The following USP40 variants were observed in gnomAD, a reference collection of about 807,000 sequenced individuals.
USP40 encodes ubiquitin carboxyl-terminal hydrolase 40.
In USP40, 143 loss-of-function variants were observed where a neutral mutation model predicts 166.2. That is an observed-to-expected ratio of 0.86 (90% CI 0.75 to 0.99). USP40 has a LOEUF of 0.99. Ranked by LOEUF, USP40 falls within the 50% of genes least tolerant of loss-of-function variation. The pLI, the probability that USP40 is intolerant of heterozygous loss-of-function variation, is 0.00. For synonymous variants in USP40, 498 were observed against 524.0 expected (o/e 0.95, Z 0.68); for missense variants, 1,444 against 1,479.7 (o/e 0.98, Z 0.40).
intron 18 of USP40, among the ~76,000 whole-genome samples, chr2:233,518,341 C>T (rs1252074212): frequency 2.1e-5 from 3 of 142,020 alleles, no homozygotes; most frequent in African/African-American, 5.3e-5. Flanking sequence ...CCGAGGTGGG[C>T]AGATTACCTG....
chr2:233,507,908 T>C (rs1180095073), intron 21 of USP40, among the ~76,000 whole-genome samples: 2 of 152,132 alleles, frequency 1.3e-5, no homozygotes, highest in Non-Finnish European at 2.9e-5. Flanking sequence ...ATTTAATCAT[T>C]ATACAACACA....
chr2:233,483,363 T>G (rs62192761), intron 30 of USP40, among the ~76,000 whole-genome samples: 26,105 of 152,044 alleles, frequency 0.17, 2,726 homozygotes, highest in Admixed American at 0.27. Flanking sequence ...TAATGGCACG[T>G]GCCTGTGGTC....
rs920097492 is a variant in USP40, at chr2:233,551,056, G to C, written c.837+320C>G. Reference sequence around the variant, plus strand: ...ATTCAAAATGACTCTAAATAAATCAGTGGTTCTCAAACAGGGTCAATCTTG... The same window carrying C: ...ATTCAAAATGACTCTAAATAAATCACTGGTTCTCAAACAGGGTCAATCTTG... On this transcript the variant is annotated intron_variant, in intron 7 of 31. Coordinates refer to ENST00000678225, the MANE Select transcript of USP40 (RefSeq NM_001365479.2). 2.0e-5 allele frequency among the ~76,000 whole-genome samples: 3 copies of C among 152,214 alleles called. No homozygotes were observed. The South Asian group carries it at 6.2e-4, about 31-fold the overall frequency.
chr2:233,494,844 C>CAAAAA (rs1165042558), intron 24 of USP40, among the ~76,000 whole-genome samples: 1 of 99,240 alleles, frequency 1.0e-5, no homozygotes, highest in African/African-American at 3.7e-5. Context: ...AAAAAAAAAC[C>CAAAAA]AAAAAAAAAA....
chr2:233,510,853 A>G (rs763705927), intron 20 of USP40, among the ~76,000 whole-genome samples: 5 of 152,142 alleles, frequency 3.3e-5, no homozygotes, highest in Admixed American at 1.3e-4. Flanking sequence ...TTCAAATATT[A>G]CAATTCTCAA....
chr2:233,477,293 G>T lies in USP40; in HGVS notation c.*99C>A, dbSNP rs1575200652. ...TGCTCAAAGGAAGCAGAGGATTTGG[G>T]ATTGGAGGCGCCAGGCAGCCAGTCC... On this transcript the variant is annotated 3_prime_UTR_variant, in exon 32 of 32. Coordinates refer to ENST00000678225, the MANE Select transcript of USP40 (RefSeq NM_001365479.2). 2 of 1,091,236 alleles carry T rather than the reference G, an allele frequency of 1.8e-6. No homozygotes were observed. The highest frequency in any genetic ancestry group is 2.7e-5 in the South Asian group (2 of 74,696). 67.6% of individuals were successfully genotyped at this position (1,091,236 alleles called of 1,614,324 possible).
intron 18 of USP40, among the ~76,000 whole-genome samples, chr2:233,513,224 C>G (rs6734355): frequency 0.031 from 4,681 of 152,102 alleles, 227 homozygotes; most frequent in African/African-American, 0.11. Context: ...CTTCCAATAT[C>G]TAGAGTCTCT....
chr2:233,481,511 C>T, intron 30 of USP40: 1 of 561,224 alleles, frequency 1.8e-6, no homozygotes, highest in South Asian at 2.2e-5. Context: ...TAATTTCCAG[C>T]CATCTGACCT....
Position 233,533,595 on chromosome 2 carries a change from A to G in USP40, c.1355T>C (p.Ile452Thr), listed in dbSNP as rs1415769119. Residue 452 changes from isoleucine to threonine, a missense_variant, in exon 11 of 32, where the codon ATA becomes ACA. Transcript: ENST00000678225. ...GATTGGCTGGACTTTAGAATCATTT[A>G]TATCAAACCAGTGGGGACAGGAGAT... The part of the protein sequence containing the change: ...NSISCPHWFD[I>T]NDSKVQPIRE... 1.2e-6 allele frequency: 2 copies of G among 1,613,848 alleles called. No homozygotes were observed. The highest frequency in any genetic ancestry group is 1.7e-5 in the Admixed American group (1 of 59,992).
intron 28 of USP40, chr2:233,487,710 T>C: frequency 4.5e-6 from 1 of 223,892 alleles, no homozygotes. Flanking sequence ...GGGTGTATCT[T>C]TATTTAATAA....
Position 233,559,931 on chromosome 2 carries a change from G to T in USP40, c.268-7C>A, listed in dbSNP as rs772216657. On this transcript the variant is annotated splice_polypyrimidine_tract_variant and splice_region_variant and intron_variant, in intron 3 of 31. Transcript: ENST00000678225. ...GTAAAGGGATGATTCGAACCTGAAT[G>T]AGAAACAAACACATTTCTAAATGAA... 1.3e-6 allele frequency: 2 copies of T among 1,586,172 alleles called. No homozygotes were observed. The highest frequency in any genetic ancestry group is 1.7e-6 in the Non-Finnish European group (2 of 1,163,942).
intron 2 of USP40, 72 bp from the exon 3 acceptor site, chr2:233,562,875 G>A: frequency 8.4e-7 from 1 of 1,196,992 alleles, no homozygotes; most frequent in Non-Finnish European, 1.2e-6. Flanking sequence ...AGAAAGCCAA[G>A]ACCACCTTTA....
At chr2:233,514,793 C>T (rs985588031) in intron 18 of USP40, among the ~76,000 whole-genome samples, 1 of 152,080 alleles carries the variant, frequency 6.6e-6, no homozygotes, top group Admixed American at 6.5e-5. Context: ...TAATAAAATA[C>T]ATCTGGTTTA....
chr2:233,511,978 CT>C lies in USP40; in HGVS notation c.2438-182del, dbSNP rs147794100. 4,296 of 519,150 alleles carry C rather than the reference CT, an allele frequency of 8.3e-3. 98 individuals carry two copies. The highest frequency in any genetic ancestry group is 0.059 in the East Asian group (1,794 of 30,640). The allele number at this position is 519,150 out of a possible 1,614,324, so 32.2% of individuals were successfully genotyped here. A position where few individuals can be genotyped will look rare whatever the true frequency, so the allele number is the denominator to read the frequency against. ...AGGTTTGATTTTCAATTTCCATACTCTTAAGATATTGTCTTCCTGTTTTCTA... is the reference window on the plus strand; with the variant it reads ...AGGTTTGATTTTCAATTTCCATACTCTAAGATATTGTCTTCCTGTTTTCTA... On this transcript the variant is annotated intron_variant, in intron 19 of 31. Coordinates refer to ENST00000678225, the MANE Select transcript of USP40 (RefSeq NM_001365479.2).
intron 4 of USP40, among the ~76,000 whole-genome samples, chr2:233,559,187 C>T (rs1323792339): frequency 6.6e-6 from 1 of 152,050 alleles, no homozygotes; most frequent in South Asian, 2.1e-4. Context: ...GTGTAGTGTT[C>T]GTATACAGTA....
In USP40 at chr2:233,512,562, G is replaced by A. The variant is rs1346483072; in HGVS notation, c.2437+7C>T. 1 of 1,576,504 alleles carries A rather than the reference G, an allele frequency of 6.3e-7. No individual in the cohort carries two copies. The highest frequency in any genetic ancestry group is 1.8e-5 in the Admixed American group (1 of 54,922). On this transcript the variant is annotated splice_region_variant and intron_variant, in intron 19 of 31. Transcript: ENST00000678225. ...GCCACCTTTTGAAAGTTATCAAAAA[G>A]ATTTACCTGGACAAAGAAGCTTCCC...
Position 233,476,829 on chromosome 2 carries a change from C to G in USP40, c.*563G>C, listed in dbSNP as rs1260468303. On this transcript the variant is annotated 3_prime_UTR_variant, in exon 32 of 32. Transcript: ENST00000678225. ...ACTTTTCAGCATCGCAGTTTTAACT[C>G]AGACCAAAGGGCAGACGTGGAGCAT... 5.8e-6 allele frequency: 1 copy of G among 171,288 alleles called. No individual in the cohort carries two copies. The highest frequency in any genetic ancestry group is 2.4e-5 in the African/African-American group (1 of 41,602). The allele number at this position is 171,288 out of a possible 1,614,324, so 10.6% of individuals were successfully genotyped here.
intron 16 of USP40, 108 bp from the exon 17 acceptor site, chr2:233,521,222 CT>C (rs1262258788): frequency 7.8e-7 from 1 of 1,281,018 alleles, no homozygotes; most frequent in African/African-American, 1.5e-5. Context: ...CCAAGTTCTA[CT>C]GAGTCGTCTC....
intron 11 of USP40, among the ~76,000 whole-genome samples, chr2:233,530,091 C>T (rs368680590): frequency 6.6e-5 from 10 of 151,992 alleles, no homozygotes; most frequent in African/African-American, 1.9e-4. Flanking sequence ...TAAGCCACCA[C>T]GCCTGGCCTC....
Sources: allele counts gnomAD v4.1 joint callset (sites outside exome capture counted in the v4.1 genomes callset), GRCh38; gene constraint gnomAD v4.1.1; transcripts MANE v1.5; gene names NCBI Gene and HGNC (gene_info 2026-07-23, HGNC 2026-07-21).